The following MPP7 variants were observed in gnomAD, a reference collection of about 807,000 sequenced individuals.
MPP7 encodes the protein MAGUK p55 subfamily member 7.
A neutral mutation model predicts 76.5 loss-of-function variants in MPP7; 60 were observed. That is an observed-to-expected ratio of 0.78 (90% CI 0.64 to 0.97). The LOEUF is 0.97. Ranked by LOEUF, MPP7 falls within the 50% of genes least tolerant of loss-of-function variation. The pLI, the probability that MPP7 is intolerant of heterozygous loss-of-function variation, is 0.00. For missense variants in MPP7, 641 were observed against 694.0 expected, an observed-to-expected ratio of 0.92 and a Z score of 0.86; for synonymous variants, 237 against 244.5, an observed-to-expected ratio of 0.97 and a Z score of 0.29.
chr10:28,272,823 C>T (rs1340352622), intron 1 of MPP7, among the ~76,000 whole-genome samples: 3 of 152,216 alleles, frequency 2.0e-5, no homozygotes, highest in Middle Eastern at 6.8e-3. Flanking sequence ...AATACACTTA[C>T]TTATTAAGTC....
intron 11 of MPP7, among the ~76,000 whole-genome samples, chr10:28,102,479 G>A (rs56163384): frequency 0.14 from 20,904 of 152,150 alleles, 2,139 homozygotes; most frequent in East Asian, 0.51. Context: ...TTTCACACCA[G>A]TGATAGCTTA....
intron 2 of MPP7, among the ~76,000 whole-genome samples, chr10:28,327,959 T>C (rs1202500009): frequency 6.6e-6 from 1 of 152,236 alleles, no homozygotes; most frequent in Non-Finnish European, 1.5e-5. Context: ...GAAATGTTTT[T>C]GTATCTTTCA....
chr10:28,196,060 T>G (rs1312205083), intron 3 of MPP7, among the ~76,000 whole-genome samples: 1 of 152,230 alleles, frequency 6.6e-6, no homozygotes. Flanking sequence ...TGGTTCACAC[T>G]TATAACAAAG....
At chr10:28,198,393 G>A (rs979865544) in intron 3 of MPP7, among the ~76,000 whole-genome samples, 3 of 152,024 alleles carry the variant, frequency 2.0e-5, no homozygotes, top group African/African-American at 7.2e-5. Context: ...TGGCCAACAT[G>A]GTGAAACCCT....
intron 5 of MPP7, among the ~76,000 whole-genome samples, chr10:28,142,170 C>G (rs1835542332): frequency 6.6e-6 from 1 of 152,022 alleles, no homozygotes; most frequent in African/African-American, 2.4e-5. Context: ...AAAAAGAATG[C>G]CAAATTCTAC....
chr10:28,069,828 T>C lies in MPP7; in HGVS notation c.1148A>G (p.Glu383Gly), dbSNP rs1564615370. 8 of 1,613,830 alleles carry C rather than the reference T, an allele frequency of 5.0e-6. No homozygotes were observed. Among genetic ancestry groups the C allele is most frequent in the Non-Finnish European group, 6.8e-6 (8 of 1,179,984 alleles). ...LVGPVGVGLN[E>G]LKRKLLISDT... is the part of the protein sequence containing the mutation. Reference sequence around the variant, plus strand: ...ACTGATCAGCAGCTTTCGTTTCAGTTCATTCAGCCCTACTCCCACGGGACC... The same window carrying C: ...ACTGATCAGCAGCTTTCGTTTCAGTCCATTCAGCCCTACTCCCACGGGACC... Residue 383 changes from glutamate to glycine, a missense_variant, in exon 13 of 17, where the codon GAA becomes GGA. By Grantham distance (98) the Glu-to-Gly change is moderately conservative (BLOSUM62 -2). Coordinates refer to ENST00000683449, the MANE Select transcript of MPP7 (RefSeq NM_001318170.2).
Position 28,131,685 on chromosome 10 carries a change from G to T in MPP7, c.322C>A (p.Leu108Ile). ...LLSKPNVKAL[L>I]SVHDTVAQKN... is the part of the protein sequence containing the mutation. ...TGAGCCACAGTATCATGTACAGAGA[G>T]CAAAGCCTGTAATATTCAAAGGTTG... is the stretch of plus-strand genomic sequence containing the variant. The change falls in exon 6 of 17, where the codon CTC becomes ATC. Residue 108 changes from leucine (L) to isoleucine (I), a missense_variant. Transcript: ENST00000683449. 6.4e-7 allele frequency: 1 copy of T among 1,571,582 alleles called. No individual in the cohort carries two copies. The highest frequency in any genetic ancestry group is 8.7e-7 in the Non-Finnish European group (1 of 1,154,820).
intron 5 of MPP7, among the ~76,000 whole-genome samples, chr10:28,133,163 C>T (rs1164376714): frequency 1.3e-5 from 2 of 152,314 alleles, no homozygotes; most frequent in African/African-American, 2.4e-5. Flanking sequence ...TGGAGCACTC[C>T]AGTATCTTTA....
At chr10:28,114,280 C>T (rs111994475) in intron 11 of MPP7, among the ~76,000 whole-genome samples, 4,750 of 152,126 alleles carry the variant, frequency 0.031, 246 homozygotes, top group African/African-American at 0.11. Flanking sequence ...GGGGTGGTGG[C>T]GCATGCCTGT....
intron 1 of MPP7, among the ~76,000 whole-genome samples, chr10:28,242,002 G>A (rs949315774): frequency 6.6e-6 from 1 of 152,152 alleles, no homozygotes; most frequent in Non-Finnish European, 1.5e-5. Flanking sequence ...GTCAACCACA[G>A]AAGTGCAAGT....
chr10:28,106,009 T>C (rs947081006), intron 11 of MPP7, among the ~76,000 whole-genome samples: 1 of 152,212 alleles, frequency 6.6e-6, no homozygotes, highest in Non-Finnish European at 1.5e-5. Flanking sequence ...ATTCATGCTA[T>C]TCTCATTCTA....
At chr10:28,169,518 TA>T (rs56852395) in intron 3 of MPP7, among the ~76,000 whole-genome samples, 1 of 151,832 alleles carries the variant, frequency 6.6e-6, no homozygotes. Flanking sequence ...CCCATCTCTT[TA>T]AAAAAAATAA....
At chr10:28,158,752 C>T (rs1836156110) in intron 3 of MPP7, among the ~76,000 whole-genome samples, 1 of 152,122 alleles carries the variant, frequency 6.6e-6, no homozygotes, top group African/African-American at 2.4e-5. Flanking sequence ...CAGCCTACAG[C>T]ACTACAGGAG....
intron 2 of MPP7, among the ~76,000 whole-genome samples, chr10:28,223,308 T>C (rs940237066): frequency 6.6e-6 from 1 of 152,216 alleles, no homozygotes; most frequent in South Asian, 2.1e-4. Flanking sequence ...TCGAATCTTC[T>C]GAGGAAACAG....
intron 2 of MPP7, among the ~76,000 whole-genome samples, chr10:28,320,828 G>GT (rs1280435080): frequency 7.9e-6 from 1 of 126,878 alleles, no homozygotes; most frequent in Non-Finnish European, 1.7e-5. Context: ...GCAGTTTTTT[G>GT]TTTGTTTTTT....
At chr10:28,180,660 C>A (rs1051385819) in intron 3 of MPP7, among the ~76,000 whole-genome samples, 2 of 152,114 alleles carry the variant, frequency 1.3e-5, no homozygotes, top group African/African-American at 4.8e-5. Context: ...CAGCATATAA[C>A]AACGAAAGTT....
chr10:28,331,266 T>G lies in MPP7; in HGVS notation c.-205-1264A>C, dbSNP rs925630429. 2.0e-5 allele frequency among the ~76,000 whole-genome samples: 3 copies of G among 152,256 alleles called. No individual in the cohort carries two copies. In the South Asian group the frequency reaches 6.2e-4, roughly 32 times the overall value. ...TGAGTGGGTCCTGCCTTCAATTAAC[T>G]TCCTTCTTCTCTTCCTTTCTACACT... On this transcript the variant is annotated intron_variant, in intron 1 of 11. Coordinates refer to the MPP7 transcript ENST00000441595.
Position 28,234,194 on chromosome 10 carries a change from A to G in MPP7, c.37+4374T>C, listed in dbSNP as rs77898093. ...TATCAAAAGTAAGGAAGTGCTAAAA[A>G]CCAATGAGCCCACATTGATGGGGGT... On this transcript the variant is annotated intron_variant, in intron 2 of 16. Transcript: ENST00000683449. Among the ~76,000 whole-genome samples the G allele has an allele frequency of 6.4e-3, 968 of 152,150 alleles. 12 individuals carry two copies. The highest frequency in any genetic ancestry group is 0.022 in the African/African-American group (925 of 41,496).
intron 3 of MPP7, among the ~76,000 whole-genome samples, chr10:28,177,736 G>A (rs1030108608): frequency 1.4e-4 from 21 of 152,182 alleles, no homozygotes; most frequent in African/African-American, 4.1e-4. Context: ...AGACTAGAGA[G>A]TTCAAAAATT....
Sources: allele counts gnomAD v4.1 joint callset (sites outside exome capture counted in the v4.1 genomes callset), GRCh38; gene constraint gnomAD v4.1.1; transcripts MANE v1.5; gene names NCBI Gene and HGNC (gene_info 2026-07-23, HGNC 2026-07-21).